The following SLC39A11 variants were observed in gnomAD, a reference collection of about 807,000 sequenced individuals.
The protein encoded by SLC39A11 is solute carrier family 39 member 11.
In SLC39A11, 33 loss-of-function variants were observed where a neutral mutation model predicts 36.1. The ratio of observed to expected loss-of-function variants is 0.91; its 90% confidence interval spans 0.69 to 1.22. The LOEUF is 1.22. SLC39A11 is among the 50% of genes most tolerant of loss of function. SLC39A11 has a pLI of 0.00. For missense variants in SLC39A11, 432 were observed against 430.3 expected, an observed-to-expected ratio of 1.00 and a Z score of -0.03; for synonymous variants, 166 against 170.3, an observed-to-expected ratio of 0.97 and a Z score of 0.20.
At chr17:72,777,947 C>T (rs116615215) in intron 6 of SLC39A11, among the ~76,000 whole-genome samples, 304 of 152,138 alleles carry the variant, frequency 2.0e-3, no homozygotes, top group African/African-American at 6.7e-3. Flanking sequence ...CTCTGTCATC[C>T]GGGCTGGAGT....
intron 6 of SLC39A11, among the ~76,000 whole-genome samples, chr17:72,830,405 C>T (rs1052507723): frequency 2.6e-5 from 4 of 152,008 alleles, no homozygotes; most frequent in Admixed American, 2.0e-4. Context: ...TGTTTGTCAA[C>T]GTGGGTACTA....
At chr17:72,927,805 TATACACACACACACAC>T (rs1227152367) in intron 5 of SLC39A11, among the ~76,000 whole-genome samples, 6 of 151,768 alleles carry the variant, frequency 4.0e-5, no homozygotes, top group African/African-American at 9.7e-5. Flanking sequence ...GAAGGAAATG[TATACACACACACACAC>T]ATACACACAC....
At position 73,048,558 on chromosome 17, in the gene SLC39A11, T is replaced by C. The variant is rs535254899; in HGVS notation, c.148-16844A>G. On this transcript the variant is annotated intron_variant, in intron 3 of 9. Transcript: ENST00000255559. ...TTTCATTTGGGTGTATACCCAGTAA[T>C]GGGATTGCTGGGTCAAACGGTAGCT... Among the ~76,000 whole-genome samples, 6 of 152,308 alleles carry C rather than the reference T, an allele frequency of 3.9e-5. No homozygotes were observed. The South Asian group carries it at 1.2e-3, about 32-fold the overall frequency.
At chr17:72,904,112 G>T (rs1403770710) in intron 5 of SLC39A11, among the ~76,000 whole-genome samples, 3 of 152,206 alleles carry the variant, frequency 2.0e-5, no homozygotes, top group South Asian at 4.1e-4. Context: ...CACAGAAACT[G>T]CAGTGACAGA....
chr17:72,710,416 T>C (rs923772952), intron 7 of SLC39A11, among the ~76,000 whole-genome samples: 1 of 152,186 alleles, frequency 6.6e-6, no homozygotes, highest in Non-Finnish European at 1.5e-5. Context: ...GGGGAAGTGA[T>C]TAAGTCATGA....
chr17:72,673,352 C>T (rs1467472453), intron 7 of SLC39A11, among the ~76,000 whole-genome samples: 1 of 152,164 alleles, frequency 6.6e-6, no homozygotes, highest in African/African-American at 2.4e-5. Flanking sequence ...ATCTGCCCAC[C>T]TCGGCCTCCC....
intron 3 of SLC39A11, among the ~76,000 whole-genome samples, chr17:73,048,266 T>G (rs2059387140): frequency 6.6e-6 from 1 of 152,040 alleles, no homozygotes; most frequent in African/African-American, 2.4e-5. Flanking sequence ...TAGCTCCCAT[T>G]TATAAGTGAG....
intron 6 of SLC39A11, among the ~76,000 whole-genome samples, chr17:72,785,065 A>G (rs2076461076): frequency 6.6e-6 from 1 of 151,750 alleles, no homozygotes; most frequent in African/African-American, 2.4e-5. Context: ...ATGGAGTTTC[A>G]CCATATTGGT....
At chr17:72,863,180 A>G (rs2080131699) in intron 5 of SLC39A11, among the ~76,000 whole-genome samples, 1 of 152,094 alleles carries the variant, frequency 6.6e-6, no homozygotes, top group African/African-American at 2.4e-5. Flanking sequence ...CCTCTTGCTA[A>G]CTGTTTAGTG....
chr17:73,091,059 A>G (rs2060908065), intron 1 of SLC39A11, among the ~76,000 whole-genome samples: 1 of 152,216 alleles, frequency 6.6e-6, no homozygotes, highest in Non-Finnish European at 1.5e-5. Context: ...GACTTTCTGA[A>G]TCAGGGTCTG....
intron 6 of SLC39A11, among the ~76,000 whole-genome samples, chr17:72,763,026 T>C (rs975141341): frequency 1.3e-5 from 2 of 152,186 alleles, no homozygotes; most frequent in African/African-American, 4.8e-5. Context: ...TTGGCTGCCA[T>C]GGGGTGGAGG....
intron 4 of SLC39A11, among the ~76,000 whole-genome samples, chr17:72,970,477 T>C (rs2087356148): frequency 1.3e-5 from 2 of 152,172 alleles, no homozygotes; most frequent in South Asian, 2.1e-4. Flanking sequence ...TCTGAGCAAA[T>C]GTGCTGCTGA....
At chr17:72,654,311 C>T (rs973186260) in intron 7 of SLC39A11, among the ~76,000 whole-genome samples, 1 of 152,100 alleles carries the variant, frequency 6.6e-6, no homozygotes, top group Non-Finnish European at 1.5e-5. Context: ...GCCTAGGACT[C>T]GAAAGCTAGC....
intron 3 of SLC39A11, among the ~76,000 whole-genome samples, chr17:73,046,307 A>T (rs1320190141): frequency 1.3e-5 from 2 of 152,154 alleles, no homozygotes; most frequent in Non-Finnish European, 2.9e-5. Context: ...GTGAAAATAC[A>T]GGTTCTGAAA....
At position 73,002,455 on chromosome 17, in the gene SLC39A11, T is replaced by C. The variant is rs183225300; in HGVS notation, c.306+29101A>G. 5.9e-5 allele frequency among the ~76,000 whole-genome samples: 9 copies of C among 152,306 alleles called. 1 individual carries two copies. Among genetic ancestry groups the C allele is most frequent in the Admixed American group, 5.2e-4 (8 of 15,302 alleles). On this transcript the variant is annotated intron_variant, in intron 4 of 9. Transcript: ENST00000255559. ...CATTTAGAAGTCAGGGATCAAACTC[T>C]TACTTAACATGTGCAAATGTTACTG... is the stretch of plus-strand genomic sequence containing the variant.
chr17:72,819,903 C>T (rs1045461592), intron 6 of SLC39A11, among the ~76,000 whole-genome samples: 3 of 151,224 alleles, frequency 2.0e-5, no homozygotes, highest in East Asian at 1.9e-4. Flanking sequence ...CTCACACCAC[C>T]TGTGCTCCTC....
At chr17:72,658,956 T>C (rs941944174) in intron 7 of SLC39A11, among the ~76,000 whole-genome samples, 2 of 152,142 alleles carry the variant, frequency 1.3e-5, no homozygotes, top group African/African-American at 4.8e-5. Flanking sequence ...AAGCCTCCTA[T>C]TCCCCCCAGA....
intron 4 of SLC39A11, among the ~76,000 whole-genome samples, chr17:73,009,373 A>T (rs1207132716): frequency 2.7e-5 from 4 of 145,732 alleles, no homozygotes; most frequent in Non-Finnish European, 6.1e-5. Flanking sequence ...AAAAAAAAAA[A>T]GAAAAGCAAT....
At chr17:72,930,310 T>C (rs1381131699) in intron 5 of SLC39A11, among the ~76,000 whole-genome samples, 2 of 152,148 alleles carry the variant, frequency 1.3e-5, no homozygotes, top group African/African-American at 2.4e-5. Context: ...CCCAGTCCTA[T>C]AAATTGGTGA....
Sources: gnomAD v4.1 joint callset for allele counts (sites outside exome capture counted in the v4.1 genomes callset) on GRCh38, gnomAD v4.1.1 for gene constraint, MANE v1.5 for transcripts, NCBI Gene and HGNC (gene_info 2026-07-23, HGNC 2026-07-21) for gene names.